UBR3: variants seen among roughly 807,000 people sequenced by gnomAD.
UBR3 encodes the protein ubiquitin protein ligase E3 component n-recognin 3, also known as E3 ubiquitin-protein ligase UBR3.
Under a neutral mutation model 243.2 loss-of-function variants are expected in UBR3, and 85 were observed. The ratio of observed to expected loss-of-function variants is 0.35; its 90% CI spans 0.29 to 0.42. The LOEUF (loss-of-function observed/expected upper bound fraction) is 0.42, where lower values mean the gene tolerates loss of function less well. Ranked by LOEUF, UBR3 falls within the 10% of genes least tolerant of loss-of-function variation. UBR3 has a pLI of 1.00. For synonymous variants in UBR3, 748 were observed against 799.8 expected, an observed-to-expected ratio of 0.94 and a Z score of 1.09; for missense variants, 1,686 against 2,300.8, an observed-to-expected ratio of 0.73 and a Z score of 5.47.
chr2:170,032,294 C>G lies in UBR3; in HGVS notation c.4556+2846C>G, dbSNP rs538007746. Among the ~76,000 whole-genome samples the G allele has an allele frequency of 3.3e-5, 5 of 152,086 alleles. No individual in the cohort carries two copies. In the South Asian group the frequency reaches 1.0e-3, roughly 32 times the overall value. The stretch of plus-strand genomic sequence containing the variant: ...CAAAAACAAAAACAGTCACACATAT[C>G]TGGATATTTGGATTTATAGCAGAAA... On this transcript the variant is annotated intron_variant, in intron 31 of 38. Coordinates refer to ENST00000272793, the MANE Select transcript of UBR3 (RefSeq NM_172070.4).
intron 8 of UBR3, 120 bp from the exon 9 acceptor site, chr2:169,904,994 T>C: frequency 1.3e-6 from 1 of 757,988 alleles, no homozygotes; most frequent in Non-Finnish European, 1.8e-6. Context: ...AGGTATTAAA[T>C]GGAAGGCTGG....
intron 24 of UBR3, among the ~76,000 whole-genome samples, chr2:169,962,510 C>T (rs2087625389): frequency 6.6e-6 from 1 of 152,184 alleles, no homozygotes. Context: ...AGCCACTGAG[C>T]ATCAGGGTAT....
chr2:169,986,688 AC>A lies in UBR3; in HGVS notation c.3680del (p.Pro1227HisfsTer27). On this transcript the variant is annotated frameshift_variant, in exon 25 of 39. Transcript: ENST00000272793. LOFTEE classifies it high-confidence loss of function. ...TTCCTATGGAGATCACCACGGCAGA[AC>A]CACAGGTTTCCGAGGCAGTATATGA... Reference protein sequence around the residue: ...DIPMEITTAEPQVSEAVYDCV... With the variant: ...DIPMEITTAEXQVSEAVYDCV... The A allele has an allele frequency of 6.2e-7, 1 of 1,613,892 alleles. No individual in the cohort carries two copies. The highest frequency in any genetic ancestry group is 8.5e-7 in the Non-Finnish European group (1 of 1,179,874).
chr2:169,969,058 CTTGT>C (rs1379626162), intron 24 of UBR3, among the ~76,000 whole-genome samples: 4 of 152,066 alleles, frequency 2.6e-5, no homozygotes, highest in Non-Finnish European at 5.9e-5. Flanking sequence ...CTGCTATTAA[CTTGT>C]TTGAGTTTCT....
At chr2:169,828,375 G>C (rs1316708246) in intron 1 of UBR3, among the ~76,000 whole-genome samples, 1 of 152,170 alleles carries the variant, frequency 6.6e-6, no homozygotes, top group Non-Finnish European at 1.5e-5. Context: ...GGGGAAGCTC[G>C]TGTCGAGCTG....
At chr2:170,076,814 C>T (rs560374582) in intron 36 of UBR3, among the ~76,000 whole-genome samples, 2 of 152,282 alleles carry the variant, frequency 1.3e-5, no homozygotes, top group South Asian at 4.1e-4. Context: ...TTCTATAAGG[C>T]TGTAATCATT....
intron 27 of UBR3, 117 bp from the exon 28 acceptor site, chr2:170,006,873 A>G: frequency 1.2e-6 from 1 of 823,098 alleles, no homozygotes; most frequent in Non-Finnish European, 1.9e-6. Context: ...TCTTTATGAC[A>G]TATATTAGAG....
Position 169,964,283 on chromosome 2 carries a change from G to A in UBR3, c.3634+5757G>A, listed in dbSNP as rs1318516128. On this transcript the variant is annotated intron_variant, in intron 24 of 38. Transcript: ENST00000272793. ...TGTCAGGTGATGTAACTAGTCTGATGTACAGTTTTAGTTCACCCATGTCAG... is the reference window on the plus strand; with the variant it reads ...TGTCAGGTGATGTAACTAGTCTGATATACAGTTTTAGTTCACCCATGTCAG... 3.2e-5 allele frequency: 12 copies of A among 374,864 alleles called. No homozygotes were observed. The East Asian group carries it at 9.5e-4, about 30-fold the overall frequency. The allele number at this position is 374,864 out of a possible 1,614,324, so 23.2% of individuals were successfully genotyped here.
At chr2:169,977,439 A>C (rs370857577) in intron 24 of UBR3, among the ~76,000 whole-genome samples, 68 of 152,182 alleles carry the variant, frequency 4.5e-4, no homozygotes, top group African/African-American at 1.6e-3. Flanking sequence ...CAAGTCTAAA[A>C]CCCTCAAAAC....
chr2:169,866,751 A>C (rs2083279236), intron 1 of UBR3, among the ~76,000 whole-genome samples: 1 of 152,212 alleles, frequency 6.6e-6, no homozygotes, highest in African/African-American at 2.4e-5. Flanking sequence ...ATAATATGGC[A>C]GATGTGGAAA....
intron 1 of UBR3, among the ~76,000 whole-genome samples, chr2:169,830,240 A>C (rs1362024378): frequency 1.3e-5 from 2 of 151,990 alleles, no homozygotes; most frequent in African/African-American, 4.8e-5. Flanking sequence ...TCTTTTCCCC[A>C]CCTGGTCAAG....
chr2:169,839,676 C>T (rs1004130859), intron 1 of UBR3, among the ~76,000 whole-genome samples: 3 of 152,118 alleles, frequency 2.0e-5, no homozygotes, highest in African/African-American at 7.2e-5. Context: ...AACACACACA[C>T]ACACATATAG....
At chr2:169,966,756 G>A (rs527824095) in intron 24 of UBR3, among the ~76,000 whole-genome samples, 31 of 152,196 alleles carry the variant, frequency 2.0e-4, no homozygotes, top group South Asian at 1.2e-3. Flanking sequence ...TCAAATGTAC[G>A]TACATTTAAA....
At chr2:170,049,037 C>T (rs1023257368) in intron 32 of UBR3, among the ~76,000 whole-genome samples, 2 of 152,150 alleles carry the variant, frequency 1.3e-5, no homozygotes, top group African/African-American at 4.8e-5. Context: ...TTGAACAACA[C>T]AGAGGCTAAG....
intron 30 of UBR3, 79 bp downstream of exon 30, chr2:170,015,445 A>G (rs2090207984): frequency 1.7e-6 from 2 of 1,168,358 alleles, no homozygotes; most frequent in East Asian, 2.4e-5. Context: ...ACATTTTGGT[A>G]TATTTCAAAT....
intron 24 of UBR3, among the ~76,000 whole-genome samples, chr2:169,980,394 T>G (rs2088664624): frequency 6.6e-6 from 1 of 152,156 alleles, no homozygotes; most frequent in African/African-American, 2.4e-5. Context: ...TCCCTTCTTT[T>G]GTCAGCTGAA....
intron 19 of UBR3, among the ~76,000 whole-genome samples, chr2:169,933,936 C>T (rs747405078): frequency 2.1e-4 from 32 of 152,154 alleles, no homozygotes; most frequent in Non-Finnish European, 3.5e-4. Context: ...TCTCTCTCTC[C>T]GTTTCTCTAA....
chr2:170,051,454 C>T (rs1237820927), intron 32 of UBR3, among the ~76,000 whole-genome samples: 3 of 152,158 alleles, frequency 2.0e-5, no homozygotes, highest in African/African-American at 7.2e-5. Context: ...AAGTGATTTT[C>T]CTGCCTCAGC....
intron 11 of UBR3, among the ~76,000 whole-genome samples, chr2:169,921,020 CAGAA>C (rs1488249544): frequency 2.0e-5 from 3 of 151,918 alleles, no homozygotes; most frequent in Admixed American, 6.6e-5. Flanking sequence ...GCAGTGTAGA[CAGAA>C]AGAAGAAAGT....
Sources: allele counts gnomAD v4.1 joint callset (sites outside exome capture counted in the v4.1 genomes callset), GRCh38; gene constraint gnomAD v4.1.1; transcripts MANE v1.5; gene names NCBI Gene and HGNC (gene_info 2026-07-23, HGNC 2026-07-21).